DNAH11: variants seen among roughly 807,000 people sequenced by gnomAD.
The protein encoded by DNAH11 is axonemal beta dynein heavy chain 11.
A neutral mutation model predicts 526.0 loss-of-function variants in DNAH11; 442 were observed. The ratio of observed to expected loss-of-function variants is 0.84; its 90% CI spans 0.78 to 0.91. The LOEUF is 0.91. Ranked by LOEUF, DNAH11 falls within the 40% of genes least tolerant of loss-of-function variation. The probability of loss-of-function intolerance (pLI) is 0.00; values close to 1 mark genes in which losing one functional copy is unlikely to be tolerated. For synonymous variants in DNAH11, 2,461 were observed against 1,935.9 expected, an observed-to-expected ratio of 1.27 and a Z score of -7.12; for missense variants, 6,989 against 5,448.7, an observed-to-expected ratio of 1.28 and a Z score of -8.90.
At chr7:21,783,202 G>T (rs1788028131) in intron 57 of DNAH11, among the ~76,000 whole-genome samples, 1 of 152,066 alleles carries the variant, frequency 6.6e-6, no homozygotes, top group African/African-American at 2.4e-5. Flanking sequence ...TGTGGTTTTG[G>T]AGTAGTTCTC....
chr7:21,633,188 T>C (rs1458495987), intron 25 of DNAH11, among the ~76,000 whole-genome samples: 2 of 152,210 alleles, frequency 1.3e-5, no homozygotes, highest in East Asian at 3.9e-4. Context: ...AAATTCAAGA[T>C]GAGATTTGGG....
chr7:21,748,794 G>A, intron 52 of DNAH11, 52 bp downstream of exon 52: 1 of 1,556,806 alleles, frequency 6.4e-7, no homozygotes, highest in Non-Finnish European at 8.7e-7. Flanking sequence ...GGCAGATAAA[G>A]CCGAGGCTCC....
chr7:21,870,984 A>G (rs1434468019), intron 73 of DNAH11, among the ~76,000 whole-genome samples: 1 of 152,228 alleles, frequency 6.6e-6, no homozygotes, highest in Non-Finnish European at 1.5e-5. Context: ...GAAGAAAGAG[A>G]AGGCAAACAT....
intron 65 of DNAH11, among the ~76,000 whole-genome samples, chr7:21,838,716 C>CTATT (rs34468017): frequency 0.14 from 21,543 of 148,922 alleles, 2,417 homozygotes; most frequent in African/African-American, 0.31. Context: ...GATTTTTAAA[C>CTATT]TATTTATTTA....
At chr7:21,817,519 C>CAAAAAAAAAA (rs10532841) in intron 64 of DNAH11, among the ~76,000 whole-genome samples, 2 of 86,432 alleles carry the variant, frequency 2.3e-5, no homozygotes, top group African/African-American at 4.2e-5. Context: ...CCATCTCTAC[C>CAAAAAAAAAA]AAAAAAAAAA....
In DNAH11 at chr7:21,816,630, A is replaced by C. The variant is rs1355355299; in HGVS notation, c.10496A>C (p.Gln3499Pro). 1.9e-6 allele frequency: 3 copies of C among 1,613,804 alleles called. No homozygotes were observed. The highest frequency in any genetic ancestry group is 2.5e-6 in the Non-Finnish European group (3 of 1,179,808). Residue 3499 changes from glutamine (Q) to proline (P), a missense_variant, in exon 64 of 82, where the codon CAG becomes CCG. Gln to Pro is a moderately conservative substitution (Grantham distance 76, BLOSUM62 -1). Transcript: ENST00000409508. ...CERWPLVIDP[Q>P]QQGIKWIKNK... ...CGCTGGCCTCTGGTGATAGATCCCC[A>C]GCAACAGGGAATTAAGTGGATCAAG...
At chr7:21,781,477 T>G (rs1188385272) in intron 57 of DNAH11, among the ~76,000 whole-genome samples, 1 of 152,242 alleles carries the variant, frequency 6.6e-6, no homozygotes, top group Non-Finnish European at 1.5e-5. Flanking sequence ...CAGCTCCAAA[T>G]TCTAAAATGC....
rs776383547 is a variant in DNAH11, at chr7:21,789,245, A to G, written c.9929A>G (p.Tyr3310Cys). The change falls in exon 61 of 82, where the codon TAC (tyrosine) becomes TGC (cysteine). Residue 3310 changes from tyrosine to cysteine, a missense_variant. Transcript: ENST00000409508. ...VINIIKFYEV[Y>C]CDVEPKRQAL... ...TATTAATTCATGAATTTTCAGGTCT[A>G]CTGTGATGTGGAGCCAAAACGCCAA... is the stretch of plus-strand genomic sequence containing the variant. The G allele has an allele frequency of 3.8e-6, 6 of 1,566,238 alleles. No homozygotes were observed. In the African/African-American group the frequency reaches 8.1e-5, roughly 21 times the overall value.
At chr7:21,851,213 C>A (rs1359581078) in intron 66 of DNAH11, 2 of 199,346 alleles carry the variant, frequency 1.0e-5, no homozygotes, top group Non-Finnish European at 2.1e-5. Context: ...TGAGTGAGTT[C>A]TCATAAGATC....
rs201671992 is a variant in DNAH11, at chr7:21,687,217, G to A, written c.5740G>A (p.Val1914Ile). 5.0e-6 allele frequency: 8 copies of A among 1,605,534 alleles called. No homozygotes were observed. Among genetic ancestry groups the A allele is most frequent in the Non-Finnish European group, 6.8e-6 (8 of 1,176,532 alleles). Residue 1914 changes from valine (V) to isoleucine (I), a missense_variant, in exon 33 of 82, where the codon GTC becomes ATC. By Grantham distance (29) the Val-to-Ile change is conservative. Coordinates refer to ENST00000409508, the MANE Select transcript of DNAH11 (RefSeq NM_001277115.2). ...KDLGRALGMM[V>I]YVFNCSEQMD... ...CCTAGGACGTGCCCTTGGCATGATGGTCTATGTATTCAACTGTTCAGAGCA... is the reference window on the plus strand; with the variant it reads ...CCTAGGACGTGCCCTTGGCATGATGATCTATGTATTCAACTGTTCAGAGCA...
At position 21,639,602 on chromosome 7, in the gene DNAH11, A is replaced by G. The variant is rs374665470; in HGVS notation, c.4944+537A>G. Among the ~76,000 whole-genome samples the G allele has an allele frequency of 2.6e-4, 39 of 152,286 alleles. 1 individual carries two copies. Among genetic ancestry groups the G allele is most frequent in the African/African-American group, 1.2e-4 (5 of 41,552 alleles). On this transcript the variant is annotated intron_variant, in intron 28 of 81. Coordinates refer to ENST00000409508, the MANE Select transcript of DNAH11 (RefSeq NM_001277115.2). ...ATGCATCACCTTTTTGCTGATTCCC[A>G]TGTCAATATTTAAAGCAAATAAAAA...
At chr7:21,649,573 C>G (rs1184224136) in intron 28 of DNAH11, among the ~76,000 whole-genome samples, 2 of 152,074 alleles carry the variant, frequency 1.3e-5, no homozygotes, top group East Asian at 3.9e-4. Flanking sequence ...TGTGAATTCA[C>G]TTCTATAAAG....
rs751102100 is a variant in DNAH11 at position 21,571,982 on chromosome 7, G to GTACCTT, written c.1593+11_1593+16dup. 19 of 1,510,504 alleles carry GTACCTT rather than the reference G, an allele frequency of 1.3e-5. No individual in the cohort carries two copies. The highest frequency in any genetic ancestry group is 1.5e-5 in the Non-Finnish European group (17 of 1,132,552). 93.6% of individuals were successfully genotyped at this position (1,510,504 alleles called of 1,614,324 possible). A position where few individuals can be genotyped will look rare whatever the true frequency, so the allele number is the denominator to read the frequency against. On this transcript the variant is annotated intron_variant, in intron 8 of 81. Transcript: ENST00000409508. Reference sequence around the variant, plus strand: ...CTGATTGCACTAACATGGTAATGTTGTACCTTTGCATTTTCATTGCATGGG... The same window carrying GTACCTT: ...CTGATTGCACTAACATGGTAATGTTGTACCTTTACCTTTGCATTTTCATTGCATGGG...
At chr7:21,789,771 T>TTCTC (rs1554281346) in intron 61 of DNAH11, among the ~76,000 whole-genome samples, 2 of 68,408 alleles carry the variant, frequency 2.9e-5, no homozygotes, top group Admixed American at 1.9e-4. Context: ...CTCTCTTTCT[T>TTCTC]TCTTTCTTTC....
At chr7:21,897,626 C>CT (rs11303225) in intron 79 of DNAH11, among the ~76,000 whole-genome samples, 6 of 151,996 alleles carry the variant, frequency 3.9e-5, no homozygotes, top group East Asian at 1.9e-4. Flanking sequence ...TAGAATTACA[C>CT]TTTTTTTTTG....
intron 68 of DNAH11, among the ~76,000 whole-genome samples, chr7:21,858,335 A>G (rs1782933031): frequency 6.6e-6 from 1 of 152,224 alleles, no homozygotes; most frequent in African/African-American, 2.4e-5. Flanking sequence ...AGATAAATAT[A>G]CAGTTAGAAA....
intron 59 of DNAH11, 67 bp downstream of exon 59, chr7:21,786,834 T>A: frequency 6.4e-7 from 1 of 1,574,078 alleles, no homozygotes; most frequent in Non-Finnish European, 8.7e-7. Flanking sequence ...ACTGTGGTTA[T>A]GCTTAATAGC....
At chr7:21,710,336 C>T (rs193153669) in intron 40 of DNAH11, among the ~76,000 whole-genome samples, 3 of 152,184 alleles carry the variant, frequency 2.0e-5, no homozygotes, top group East Asian at 1.9e-4. Context: ...GAAGCTCAGT[C>T]GTGGAAGTTA....
chr7:21,636,137 G>C, intron 26 of DNAH11, 42 bp downstream of exon 26: 2 of 1,495,964 alleles, frequency 1.3e-6, no homozygotes, highest in Non-Finnish European at 1.8e-6. Flanking sequence ...GCAAAGTTTT[G>C]TAAAGTAACA....
Sources: gnomAD v4.1 joint callset for allele counts (sites outside exome capture counted in the v4.1 genomes callset) on GRCh38, gnomAD v4.1.1 for gene constraint, MANE v1.5 for transcripts, NCBI Gene and HGNC (gene_info 2026-07-23, HGNC 2026-07-21) for gene names.